Variants in DECR1 observed in about 807,000 individuals in gnomAD.
DECR1 encodes 2,4-dienoyl-CoA reductase 1, also known as 2,4-dienoyl-CoA reductase [(3E)-enoyl-CoA-producing], mitochondrial.
In DECR1, 44 loss-of-function variants were observed where a neutral mutation model predicts 38.8. The ratio of observed to expected loss-of-function variants is 1.13; its 90% confidence interval spans 0.89 to 1.46. DECR1 has a LOEUF of 1.46. Among genes scored for constraint, DECR1 ranks in the 40% most tolerant of loss-of-function variants. The probability of loss-of-function intolerance (pLI) is 0.00; values close to 1 mark genes in which losing one functional copy is unlikely to be tolerated. For missense variants in DECR1, 428 were observed against 405.5 expected (o/e 1.06, Z -0.48); for synonymous variants, 148 against 135.2 (o/e 1.09, Z -0.66).
chr8:90,049,741 C>T (rs1209187533), intron 8 of DECR1, among the ~76,000 whole-genome samples: 1 of 152,156 alleles, frequency 6.6e-6, no homozygotes, highest in African/African-American at 2.4e-5. Flanking sequence ...GCCAAAAGAA[C>T]AAAGCTGGCA....
chr8:90,013,327 T>C (rs1812930279), intron 1 of DECR1, among the ~76,000 whole-genome samples: 1 of 152,046 alleles, frequency 6.6e-6, no homozygotes, highest in African/African-American at 2.4e-5. Flanking sequence ...CATTAAACAA[T>C]GATTTTTGTA....
At chr8:90,007,932 A>G (rs892725686) in intron 1 of DECR1, among the ~76,000 whole-genome samples, 15 of 152,256 alleles carry the variant, frequency 9.9e-5, no homozygotes, top group Non-Finnish European at 1.8e-4. Flanking sequence ...TACAAGGTCA[A>G]CTGCACTTTT....
chr8:90,045,348 A>G (rs112879843), intron 8 of DECR1, among the ~76,000 whole-genome samples: 4 of 152,146 alleles, frequency 2.6e-5, no homozygotes, highest in Admixed American at 6.5e-5. Flanking sequence ...CACTTTTCCA[A>G]TGGTCTTAGC....
intron 5 of DECR1, among the ~76,000 whole-genome samples, chr8:90,024,233 A>G (rs1246749455): frequency 6.6e-6 from 1 of 152,262 alleles, no homozygotes; most frequent in Admixed American, 6.5e-5. Flanking sequence ...GTATATACCC[A>G]GTAATGGGAT....
chr8:90,004,704 T>G (rs1001824245), intron 1 of DECR1, among the ~76,000 whole-genome samples: 2 of 152,228 alleles, frequency 1.3e-5, no homozygotes, highest in African/African-American at 4.8e-5. Context: ...TGTAAAATTC[T>G]GGAATATAAG....
At chr8:90,012,564 A>G (rs903689511) in intron 1 of DECR1, among the ~76,000 whole-genome samples, 10 of 152,186 alleles carry the variant, frequency 6.6e-5, no homozygotes, top group African/African-American at 2.2e-4. Flanking sequence ...CTGGATTTCA[A>G]TCATATATTC....
At chr8:90,045,027 T>A in intron 8 of DECR1, 32 bp downstream of exon 8, 1 of 1,613,320 alleles carries the variant, frequency 6.2e-7, no homozygotes, top group Non-Finnish European at 8.5e-7. Flanking sequence ...TCACTTTTTT[T>A]TCAGGAGTGT....
intron 5 of DECR1, among the ~76,000 whole-genome samples, chr8:90,033,459 C>T (rs187829430): frequency 2.0e-4 from 30 of 152,266 alleles, no homozygotes; most frequent in Admixed American, 6.5e-4. Context: ...GTTATTCTAA[C>T]TGAAATAATG....
intron 8 of DECR1, among the ~76,000 whole-genome samples, chr8:90,048,761 C>A (rs777113982): frequency 3.9e-5 from 6 of 152,188 alleles, no homozygotes; most frequent in Middle Eastern, 3.2e-3. Flanking sequence ...GACCAATATT[C>A]CTGATGAACA....
intron 1 of DECR1, chr8:90,015,415 T>C (rs1286217988): frequency 6.5e-6 from 2 of 307,936 alleles, no homozygotes; most frequent in Non-Finnish European, 1.3e-5. Flanking sequence ...TACTTACTGT[T>C]GTTATTTCCT....
intron 5 of DECR1, among the ~76,000 whole-genome samples, chr8:90,026,831 T>C (rs574319654): frequency 6.6e-6 from 1 of 152,324 alleles, no homozygotes; most frequent in Admixed American, 6.5e-5. Flanking sequence ...CCATTTTAGA[T>C]CTTCCCTGCT....
At chr8:90,010,128 C>T (rs1029667292) in intron 1 of DECR1, among the ~76,000 whole-genome samples, 5 of 152,174 alleles carry the variant, frequency 3.3e-5, no homozygotes, top group Admixed American at 6.5e-5. Flanking sequence ...CTGTGCTCTG[C>T]GGAAGCTGAG....
intron 8 of DECR1, 26 bp downstream of exon 8, chr8:90,045,021 T>G (rs1180154011): frequency 1.9e-6 from 3 of 1,610,274 alleles, no homozygotes; most frequent in East Asian, 2.2e-5. Flanking sequence ...TTCTCTTCAC[T>G]TTTTTTTCAG....
At chr8:90,045,338 C>T (rs1159417214) in intron 8 of DECR1, among the ~76,000 whole-genome samples, 3 of 152,206 alleles carry the variant, frequency 2.0e-5, no homozygotes, top group African/African-American at 7.2e-5. Context: ...CCTAATACTG[C>T]ACTTTTCCAA....
intron 5 of DECR1, among the ~76,000 whole-genome samples, chr8:90,026,433 C>T (rs906298978): frequency 1.3e-5 from 2 of 152,148 alleles, no homozygotes; most frequent in African/African-American, 4.8e-5. Flanking sequence ...GATTCAACTT[C>T]CTCCTGGTTT....
chr8:90,003,389 A>G (rs528443948), intron 1 of DECR1, among the ~76,000 whole-genome samples: 2 of 152,326 alleles, frequency 1.3e-5, no homozygotes, highest in African/African-American at 4.8e-5. Context: ...ATAAATATTT[A>G]TTGAGGACTG....
chr8:90,051,651 A>G (rs1199893886), intron 8 of DECR1, 26 bp from the exon 9 acceptor site: 3 of 1,592,160 alleles, frequency 1.9e-6, no homozygotes, highest in Non-Finnish European at 2.6e-6. Flanking sequence ...AGTTAGTTTC[A>G]GAGTTTAAAA....
intron 5 of DECR1, among the ~76,000 whole-genome samples, chr8:90,027,250 G>C (rs1373374952): frequency 2.0e-5 from 3 of 152,186 alleles, no homozygotes; most frequent in Non-Finnish European, 4.4e-5. Flanking sequence ...GCTTGGTGCA[G>C]AGCTGAGTTC....
intron 7 of DECR1, among the ~76,000 whole-genome samples, chr8:90,043,950 G>C (rs1406013833): frequency 1.3e-5 from 2 of 152,130 alleles, no homozygotes; most frequent in Non-Finnish European, 2.9e-5. Context: ...ACTGTTCACT[G>C]TATCTACGGG....
Sources: gnomAD v4.1 joint callset for allele counts (sites outside exome capture counted in the v4.1 genomes callset) on GRCh38, gnomAD v4.1.1 for gene constraint, MANE v1.5 for transcripts, NCBI Gene and HGNC (gene_info 2026-07-23, HGNC 2026-07-21) for gene names.